The following SGCE variants were observed in gnomAD, a reference collection of about 807,000 sequenced individuals.
SGCE encodes the protein sarcoglycan epsilon.
In SGCE, 26 loss-of-function variants were observed where a neutral mutation model predicts 57.8. That is an observed-to-expected ratio of 0.45 (90% confidence interval 0.33 to 0.62). The LOEUF is 0.62. Among genes scored for constraint, SGCE ranks in the 20% least tolerant of loss-of-function variants. The probability of loss-of-function intolerance (pLI) is 0.02; values close to 1 mark genes in which losing one functional copy is unlikely to be tolerated. For missense variants in SGCE, 468 were observed against 548.6 expected, an observed-to-expected ratio of 0.85 and a Z score of 1.47; for synonymous variants, 183 against 189.5, an observed-to-expected ratio of 0.97 and a Z score of 0.28.
chr7:94,605,087 C>G (rs914486380), intron 5 of SGCE, among the ~76,000 whole-genome samples: 3 of 151,506 alleles, frequency 2.0e-5, no homozygotes, highest in African/African-American at 7.3e-5. Context: ...ATACATTAGT[C>G]CAGCTAGCAA....
At chr7:94,600,492 C>A in intron 7 of SGCE, 154 bp downstream of exon 7, 1 of 615,354 alleles carries the variant, frequency 1.6e-6, no homozygotes, top group Non-Finnish European at 2.9e-6. Context: ...TATTTTAATT[C>A]ATTTTAAAGG....
intron 1 of SGCE, chr7:94,639,555 C>A: frequency 1.5e-6 from 1 of 665,578 alleles, no homozygotes. Context: ...TTCCTTCCAG[C>A]CCAGCTAACT....
chr7:94,633,073 A>G (rs1377501923), intron 1 of SGCE, among the ~76,000 whole-genome samples: 3 of 152,088 alleles, frequency 2.0e-5, no homozygotes, highest in Non-Finnish European at 2.9e-5. Context: ...ACATGTGTAC[A>G]GTGCCATGCT....
chr7:94,623,588 A>G, intron 3 of SGCE, 191 bp from the exon 4 acceptor site: 3 of 589,444 alleles, frequency 5.1e-6, no homozygotes, highest in Non-Finnish European at 9.0e-6. Flanking sequence ...ATAAATAATT[A>G]GTCAGGTCTA....
intron 1 of SGCE, chr7:94,644,629 T>C: frequency 1.6e-6 from 2 of 1,285,798 alleles, no homozygotes; most frequent in Middle Eastern, 2.1e-4. Flanking sequence ...TGTCAAGTCT[T>C]TCTCTGTCCA....
intron 10 of SGCE, chr7:94,587,597 C>T: frequency 7.3e-7 from 1 of 1,378,222 alleles, no homozygotes; most frequent in African/African-American, 1.5e-5. Context: ...ATTTTTATAA[C>T]AAAGTTTGTT....
chr7:94,585,510 A>G lies in SGCE; in HGVS notation c.1303T>C (p.Trp435Arg), dbSNP rs1357924512. 1 of 1,604,884 alleles carries G rather than the reference A, an allele frequency of 6.2e-7. No individual in the cohort carries two copies. Among genetic ancestry groups the G allele is most frequent in the Non-Finnish European group, 8.5e-7 (1 of 1,171,724 alleles). Residue 435 changes from tryptophan to arginine, a missense_variant, in exon 11 of 11, where the codon TGG becomes CGG. Physicochemically the swap from Trp to Arg is moderately radical, Grantham distance 101. Transcript: ENST00000648936. ...TCAGTTTTCTTTCTTCAGGGATACC[A>G]TTTACCTGCAATGTGTAAGAATGAA... is the stretch of plus-strand genomic sequence containing the variant. ...QIPQQQTTGK[W>R]YP
chr7:94,597,523 C>T (rs1210678124), intron 9 of SGCE: 1 of 151,784 alleles, frequency 6.6e-6, no homozygotes, highest in African/African-American at 2.4e-5. Flanking sequence ...AATATTATAT[C>T]CTAAGGGGTG....
intron 5 of SGCE, among the ~76,000 whole-genome samples, chr7:94,606,262 C>G (rs1269313495): frequency 6.6e-6 from 1 of 152,096 alleles, no homozygotes; most frequent in East Asian, 1.9e-4. Context: ...GACACATATA[C>G]ATTAAAAGTA....
chr7:94,614,638 A>C (rs1308171398), intron 5 of SGCE, among the ~76,000 whole-genome samples: 1 of 152,168 alleles, frequency 6.6e-6, no homozygotes, highest in Admixed American at 6.5e-5. Flanking sequence ...TTTTCAACTC[A>C]GTCAGCCTTC....
rs145283732 is a variant in SGCE at position 94,613,919 on chromosome 7, C to A, written c.662+4839G>T. On this transcript the variant is annotated intron_variant, in intron 5 of 10. Transcript: ENST00000648936. Reference sequence around the variant, plus strand: ...ATGTACATACCTGCAATTAATCAATCAAAAAGTAAGATACAAAATAAAGAA... The same window carrying A: ...ATGTACATACCTGCAATTAATCAATAAAAAAGTAAGATACAAAATAAAGAA... Among the ~76,000 whole-genome samples the A allele has an allele frequency of 3.7e-3, 569 of 151,862 alleles. 8 individuals carry two copies. The highest frequency in any genetic ancestry group is 0.013 in the African/African-American group (540 of 41,416).
At chr7:94,600,350 T>C (rs1562804364) in intron 7 of SGCE, 1 of 354,018 alleles carries the variant, frequency 2.8e-6, no homozygotes, top group Non-Finnish European at 5.2e-6. Flanking sequence ...TCATGCAAGA[T>C]GGCTTGTATA....
intron 3 of SGCE, chr7:94,625,969 G>C (rs1172896504): frequency 6.6e-6 from 1 of 152,036 alleles, no homozygotes; most frequent in African/African-American, 2.4e-5. Flanking sequence ...GAGATATTCA[G>C]TACTGCTTTC....
chr7:94,589,957 G>C (rs1340622443), intron 9 of SGCE: 1 of 152,278 alleles, frequency 6.6e-6, no homozygotes, highest in East Asian at 1.9e-4. Context: ...GTGCCAAAAA[G>C]CTTGGGGACC....
At chr7:94,631,030 G>C (rs183823939) in intron 1 of SGCE, among the ~76,000 whole-genome samples, 6 of 151,958 alleles carry the variant, frequency 3.9e-5, no homozygotes, top group Non-Finnish European at 8.8e-5. Flanking sequence ...GTAGCTTCAC[G>C]TATCTACAGA....
intron 1 of SGCE, among the ~76,000 whole-genome samples, chr7:94,654,512 T>C (rs1221553751): frequency 6.6e-6 from 1 of 152,182 alleles, no homozygotes; most frequent in Non-Finnish European, 1.5e-5. Flanking sequence ...AGGGTGAACA[T>C]CCTAAAGATT....
chr7:94,640,445 GCCAATCTGCTGTCTACTCTCT>G (rs1806224368), intron 1 of SGCE, among the ~76,000 whole-genome samples: 1 of 152,062 alleles, frequency 6.6e-6, no homozygotes, highest in South Asian at 2.1e-4. Context: ...CATCCAAACT[GCCAATCTGCTGTCTACTCTCT>G]GATTTTTCAC....
rs537153712 is a variant in SGCE, at chr7:94,588,818, C to T, written c.1254-86G>A. On this transcript the variant is annotated intron_variant, in intron 9 of 10. Transcript: ENST00000648936. ...AGACATACTAGAATGAAAAACTTTA[C>T]GGGTAAACTATGACCCCAGTCATGT... is the stretch of plus-strand genomic sequence containing the variant. 266 of 1,501,602 alleles carry T rather than the reference C, an allele frequency of 1.8e-4. 1 individual carries two copies. In the South Asian group the frequency reaches 1.8e-3, roughly 10 times the overall value. The allele number at this position is 1,501,602 out of a possible 1,614,324, so 93.0% of individuals were successfully genotyped here. A position where few individuals can be genotyped will look rare whatever the true frequency, so the allele number is the denominator to read the frequency against.
intron 1 of SGCE, chr7:94,644,464 A>G (rs545995501): frequency 1.3e-4 from 40 of 301,490 alleles, no homozygotes; most frequent in African/African-American, 8.8e-4. Context: ...GTAATTGAAG[A>G]GCTGTGAATA....
Sources: allele counts gnomAD v4.1 joint callset (sites outside exome capture counted in the v4.1 genomes callset), GRCh38; gene constraint gnomAD v4.1.1; transcripts MANE v1.5; gene names NCBI Gene and HGNC (gene_info 2026-07-23, HGNC 2026-07-21).